Variants in RXFP1 observed in about 807,000 individuals in gnomAD.
RXFP1 encodes the protein relaxin family peptide receptor 1, also known as relaxin receptor 1.
Under a neutral mutation model 89.8 loss-of-function variants are expected in RXFP1, and 73 were observed. The observed-to-expected ratio is 0.81, with a 90% CI of 0.67 to 0.99. RXFP1 has a LOEUF of 0.99. Among genes scored for constraint, RXFP1 ranks in the 50% least tolerant of loss-of-function variants. The pLI is 0.00. For synonymous variants in RXFP1, 277 were observed against 305.5 expected (o/e 0.91, Z 0.97); for missense variants, 793 against 895.5 (o/e 0.89, Z 1.46).
chr4:158,570,500 C>A (rs1398173258), intron 1 of RXFP1, among the ~76,000 whole-genome samples: 2 of 152,106 alleles, frequency 1.3e-5, no homozygotes, highest in Non-Finnish European at 2.9e-5. Flanking sequence ...TCCAGCTGGT[C>A]AAGCCAATTC....
chr4:158,563,184 A>G (rs977839489), intron 1 of RXFP1, among the ~76,000 whole-genome samples: 1 of 152,212 alleles, frequency 6.6e-6, no homozygotes, highest in Non-Finnish European at 1.5e-5. Flanking sequence ...ATTATTTCCC[A>G]GAAGTTTCAG....
intron 1 of RXFP1, among the ~76,000 whole-genome samples, chr4:158,530,714 T>G (rs1477985178): frequency 6.6e-6 from 1 of 152,192 alleles, no homozygotes; most frequent in Non-Finnish European, 1.5e-5. Flanking sequence ...TTTAGATTTT[T>G]ATTTCTGCCC....
chr4:158,569,269 A>G (rs545103609), intron 1 of RXFP1, among the ~76,000 whole-genome samples: 4 of 152,364 alleles, frequency 2.6e-5, no homozygotes, highest in Non-Finnish European at 2.9e-5. Context: ...AAGAAGAACT[A>G]TGGAGATAGT....
rs1772825448 is a variant in RXFP1, at chr4:158,651,934, T to C, written c.2153T>C (p.Ile718Thr). The C allele has an allele frequency of 1.2e-6, 2 of 1,614,132 alleles. No individual in the cohort carries two copies. Among genetic ancestry groups the C allele is most frequent in the East Asian group, 4.5e-5 (2 of 44,880 alleles). Residue 718 changes from isoleucine to threonine, a missense_variant, in exon 18 of 18, where the codon ATC becomes ACC. Ile to Thr is a moderately conservative substitution (Grantham distance 89, BLOSUM62 -1). Transcript: ENST00000307765. ...KGQKTYAPSF[I>T]WVEMWPLQEM... ...CAGAAAACATATGCTCCATCATTCA[T>C]CTGGGTGGAAATGTGGCCACTGCAG...
intron 17 of RXFP1, among the ~76,000 whole-genome samples, chr4:158,650,432 A>AAT (rs149845150): frequency 0.051 from 7,407 of 145,392 alleles, 391 homozygotes; most frequent in East Asian, 0.14. Flanking sequence ...AATATATATA[A>AAT]ATATATATAT....
At chr4:158,589,298 C>G (rs1758921282) in intron 2 of RXFP1, among the ~76,000 whole-genome samples, 1 of 152,154 alleles carries the variant, frequency 6.6e-6, no homozygotes, top group Non-Finnish European at 1.5e-5. Context: ...CACAGCCAAA[C>G]CATATCAGAT....
chr4:158,599,779 C>T (rs1409924260), intron 4 of RXFP1, among the ~76,000 whole-genome samples: 1 of 152,058 alleles, frequency 6.6e-6, no homozygotes, highest in Admixed American at 6.6e-5. Context: ...TTTCACTTGA[C>T]ATTTATTGAA....
intron 10 of RXFP1, 98 bp from the exon 11 acceptor site, chr4:158,628,540 T>A: frequency 1.8e-6 from 1 of 549,752 alleles, no homozygotes; most frequent in Non-Finnish European, 3.3e-6. Context: ...AAATGTACTG[T>A]ATATTCATTA....
intron 1 of RXFP1, among the ~76,000 whole-genome samples, chr4:158,548,882 C>T (rs1415729964): frequency 6.6e-6 from 1 of 152,122 alleles, no homozygotes; most frequent in Non-Finnish European, 1.5e-5. Flanking sequence ...CTGCCCTTAA[C>T]ATTTTTTCCT....
At chr4:158,601,480 G>A (rs971727419) in intron 4 of RXFP1, among the ~76,000 whole-genome samples, 4 of 152,036 alleles carry the variant, frequency 2.6e-5, no homozygotes, top group Non-Finnish European at 5.9e-5. Context: ...TTATGTCTAC[G>A]GTATTTTTTA....
Position 158,647,142 on chromosome 4 carries a change from T to C in RXFP1, c.1697T>C (p.Leu566Pro). Residue 566 changes from leucine to proline, a missense_variant, in exon 16 of 18, where the codon CTT (leucine) becomes CCT (proline). By Grantham distance (98) the Leu-to-Pro change is moderately conservative. Coordinates refer to ENST00000307765, the MANE Select transcript of RXFP1 (RefSeq NM_021634.4). ...YYGTNGVCFP[L>P]HSEDTESIGA... is the part of the protein sequence containing the mutation. ...GGCACCAATGGAGTATGCTTCCCTC[T>C]TCATTCAGAAGATACAGAAAGTATT... 6.2e-7 allele frequency: 1 copy of C among 1,613,004 alleles called. No homozygotes were observed.
intron 11 of RXFP1, among the ~76,000 whole-genome samples, chr4:158,631,046 T>C (rs1354635304): frequency 1.3e-5 from 2 of 152,238 alleles, no homozygotes; most frequent in Non-Finnish European, 2.9e-5. Context: ...CAATTAAGTT[T>C]AGCCTAACTT....
intron 1 of RXFP1, among the ~76,000 whole-genome samples, chr4:158,551,711 T>C (rs901437883): frequency 6.6e-5 from 10 of 151,948 alleles, no homozygotes; most frequent in African/African-American, 2.4e-4. Context: ...GCGGCCGAGG[T>C]GAAAGTATGC....
chr4:158,552,725 T>C (rs1750420240), intron 1 of RXFP1, among the ~76,000 whole-genome samples: 1 of 152,124 alleles, frequency 6.6e-6, no homozygotes, highest in Non-Finnish European at 1.5e-5. Flanking sequence ...ATGAAAACTA[T>C]AAAAAGTTGG....
chr4:158,580,175 G>A (rs777110794), intron 2 of RXFP1, among the ~76,000 whole-genome samples: 6 of 152,136 alleles, frequency 3.9e-5, no homozygotes, highest in Non-Finnish European at 5.9e-5. Flanking sequence ...CTAAACATTA[G>A]CAGTGGTCCT....
chr4:158,549,603 T>C (rs1474954600), intron 1 of RXFP1, among the ~76,000 whole-genome samples: 1 of 152,224 alleles, frequency 6.6e-6, no homozygotes, highest in Non-Finnish European at 1.5e-5. Flanking sequence ...TGGTCTTTGA[T>C]GATGGTGATG....
intron 2 of RXFP1, among the ~76,000 whole-genome samples, chr4:158,591,918 C>G (rs973221481): frequency 6.6e-6 from 1 of 152,124 alleles, no homozygotes; most frequent in Admixed American, 6.5e-5. Flanking sequence ...TAGAGAAGAT[C>G]ACATACCAAC....
intron 2 of RXFP1, among the ~76,000 whole-genome samples, chr4:158,573,251 A>G (rs1476824177): frequency 2.0e-5 from 3 of 151,970 alleles, no homozygotes; most frequent in African/African-American, 7.3e-5. Context: ...CTCGTGATCC[A>G]CCCACCTCTT....
chr4:158,639,119 G>A (rs1267305977), intron 13 of RXFP1, 141 bp from the exon 14 acceptor site: 1 of 541,778 alleles, frequency 1.8e-6, no homozygotes, highest in Non-Finnish European at 3.3e-6. Context: ...TTGGGGAAGT[G>A]GGTGGGTTGA....
Sources: allele counts gnomAD v4.1 joint callset (sites outside exome capture counted in the v4.1 genomes callset), GRCh38; gene constraint gnomAD v4.1.1; transcripts MANE v1.5; gene names NCBI Gene and HGNC (gene_info 2026-07-23, HGNC 2026-07-21).